COL26A1: variants seen among roughly 807,000 people sequenced by gnomAD.
COL26A1 encodes collagen type XXVI alpha 1 chain.
COL26A1 carries 41 observed loss-of-function variants against 59.3 expected under a neutral mutation model. The observed-to-expected ratio is 0.69, with a 90% CI of 0.54 to 0.90. The LOEUF (loss-of-function observed/expected upper bound fraction) is 0.90, where lower values mean the gene tolerates loss of function less well. COL26A1 is among the 40% of genes least tolerant of loss of function. The pLI is 0.00. For synonymous variants in COL26A1, 266 were observed against 256.0 expected, an observed-to-expected ratio of 1.04 and a Z score of -0.37; for missense variants, 612 against 602.3, an observed-to-expected ratio of 1.02 and a Z score of -0.17.
At chr7:101,488,642 C>G (rs1450711544) in intron 3 of COL26A1, among the ~76,000 whole-genome samples, 1 of 152,012 alleles carries the variant, frequency 6.6e-6, no homozygotes, top group Non-Finnish European at 1.5e-5. Context: ...TCCCAAAGCG[C>G]TAGGATTACA....
At chr7:101,416,473 G>A (rs1195166651) in intron 1 of COL26A1, among the ~76,000 whole-genome samples, 3 of 143,600 alleles carry the variant, frequency 2.1e-5, no homozygotes, top group African/African-American at 7.4e-5. Flanking sequence ...AAATTTTCTT[G>A]TTATTTCTTC....
At chr7:101,392,397 CT>C (rs34053990) in intron 1 of COL26A1, among the ~76,000 whole-genome samples, 51,511 of 86,538 alleles carry the variant, frequency 0.6, 16,183 homozygotes, top group Middle Eastern at 0.77. Flanking sequence ...AACAACCAGG[CT>C]TTTTTTTTTT....
At chr7:101,366,474 ATTT>A (rs869149636) in intron 1 of COL26A1, among the ~76,000 whole-genome samples, 49 of 76,130 alleles carry the variant, frequency 6.4e-4, no homozygotes, top group Non-Finnish European at 1.0e-3. Flanking sequence ...TTAACGTCTG[ATTT>A]TTTTTTTTTT....
In COL26A1 at chr7:101,447,657, G is replaced by GC. The variant is rs747008508; in HGVS notation, c.282-21dup. 9.6e-6 allele frequency: 14 copies of GC among 1,463,000 alleles called. 1 individual carries two copies. The highest frequency in any genetic ancestry group is 3.9e-5 in the Admixed American group (2 of 51,748). The allele number at this position is 1,463,000 out of a possible 1,614,324, so 90.6% of individuals were successfully genotyped here. On this transcript the variant is annotated intron_variant, in intron 2 of 12. Transcript: ENST00000313669. ...TGGAGGTGGGTGGGTGGGAGCTCAT[G>GC]CCCCCCTGACGCTGTCTGTGTGTTA... is the stretch of plus-strand genomic sequence containing the variant.
intron 11 of COL26A1, among the ~76,000 whole-genome samples, chr7:101,553,719 C>T (rs187168754): frequency 6.6e-4 from 101 of 152,276 alleles, no homozygotes; most frequent in South Asian, 2.3e-3. Context: ...TCCCTCTCAA[C>T]GGACCGGGTT....
chr7:101,476,917 C>T (rs1443821970), intron 3 of COL26A1, among the ~76,000 whole-genome samples: 1 of 151,028 alleles, frequency 6.6e-6, no homozygotes, highest in East Asian at 2.0e-4. Context: ...GATCTCGGCT[C>T]ACTACAACCT....
At chr7:101,487,762 A>G (rs1242310221) in intron 3 of COL26A1, among the ~76,000 whole-genome samples, 1 of 152,084 alleles carries the variant, frequency 6.6e-6, no homozygotes, top group African/African-American at 2.4e-5. Flanking sequence ...ACGCCCTGTC[A>G]CTGGGGCTGG....
At chr7:101,540,549 A>AG (rs1224721385) in intron 5 of COL26A1, among the ~76,000 whole-genome samples, 2 of 151,150 alleles carry the variant, frequency 1.3e-5, no homozygotes, top group East Asian at 3.9e-4. Context: ...AAAAAAAAAA[A>AG]AAAAAAGTAG....
In COL26A1 at chr7:101,373,747, C is replaced by T. The variant is rs566751431; in HGVS notation, c.158+10557C>T. 9.8e-5 allele frequency among the ~76,000 whole-genome samples: 15 copies of T among 152,292 alleles called. No individual in the cohort carries two copies. In the East Asian group the frequency reaches 2.5e-3, roughly 25 times the overall value. The stretch of plus-strand genomic sequence containing the variant: ...GAGCACATAGAGGAGGGAGACTTTT[C>T]CTGAGAATCACACAGAATGGCTTTG... On this transcript the variant is annotated intron_variant, in intron 1 of 12. Coordinates refer to ENST00000313669, the MANE Select transcript of COL26A1 (RefSeq NM_001278563.3).
intron 5 of COL26A1, among the ~76,000 whole-genome samples, chr7:101,542,450 A>C (rs1169176589): frequency 6.6e-6 from 1 of 152,140 alleles, no homozygotes; most frequent in Non-Finnish European, 1.5e-5. Flanking sequence ...CCTTGAGGTT[A>C]CAGGGGAGAC....
intron 3 of COL26A1, among the ~76,000 whole-genome samples, chr7:101,515,714 A>G (rs1426337141): frequency 1.3e-5 from 2 of 148,508 alleles, no homozygotes; most frequent in Non-Finnish European, 3.0e-5. Flanking sequence ...TCAGCCTCCC[A>G]AGTAGCTGGG....
chr7:101,367,469 A>C (rs1307588246), intron 1 of COL26A1, among the ~76,000 whole-genome samples: 2 of 152,132 alleles, frequency 1.3e-5, no homozygotes, highest in Non-Finnish European at 2.9e-5. Context: ...GTTTGAGACC[A>C]GTCTGGCCAA....
At chr7:101,397,326 C>T (rs970494019) in intron 1 of COL26A1, among the ~76,000 whole-genome samples, 3 of 152,094 alleles carry the variant, frequency 2.0e-5, no homozygotes, top group African/African-American at 7.2e-5. Context: ...GTTCATTGAA[C>T]AGAGGACTTA....
intron 3 of COL26A1, among the ~76,000 whole-genome samples, chr7:101,528,188 G>T (rs562865052): frequency 6.6e-6 from 1 of 152,198 alleles, no homozygotes; most frequent in East Asian, 1.9e-4. Flanking sequence ...GCCAAGCAGG[G>T]TGCCCAGTGC....
intron 3 of COL26A1, among the ~76,000 whole-genome samples, chr7:101,527,664 C>T (rs750124844): frequency 2.8e-4 from 42 of 152,288 alleles, no homozygotes; most frequent in Non-Finnish European, 5.3e-4. Flanking sequence ...TGCTTGTGCA[C>T]CCACAAACAC....
At chr7:101,457,868 T>C (rs1793512758) in intron 3 of COL26A1, among the ~76,000 whole-genome samples, 1 of 151,844 alleles carries the variant, frequency 6.6e-6, no homozygotes, top group African/African-American at 2.4e-5. Context: ...ATAACCATCA[T>C]TTTGCTAGGT....
intron 3 of COL26A1, among the ~76,000 whole-genome samples, chr7:101,458,765 C>T (rs11770740): frequency 0.16 from 23,993 of 150,720 alleles, 2,106 homozygotes; most frequent in African/African-American, 0.21. Flanking sequence ...TCCAAGTCAT[C>T]TAGCTAAGGA....
Position 101,501,341 on chromosome 7 carries a change from C to T in COL26A1, c.386-31741C>T, listed in dbSNP as rs140529156. ...AGGAGACACGCACACATCCCCATGTCGGCCCCAGGCCTCTTCCAGCTCCCA... is the reference window on the plus strand; with the variant it reads ...AGGAGACACGCACACATCCCCATGTTGGCCCCAGGCCTCTTCCAGCTCCCA... On this transcript the variant is annotated intron_variant, in intron 3 of 12. Coordinates refer to ENST00000313669, the MANE Select transcript of COL26A1 (RefSeq NM_001278563.3). Among the ~76,000 whole-genome samples the T allele has an allele frequency of 1.1e-4, 16 of 152,208 alleles. No homozygotes were observed. The East Asian group carries it at 2.3e-3, about 22-fold the overall frequency.
At chr7:101,530,297 G>A (rs952799534) in intron 3 of COL26A1, among the ~76,000 whole-genome samples, 1 of 152,006 alleles carries the variant, frequency 6.6e-6, no homozygotes, top group African/African-American at 2.4e-5. Flanking sequence ...GGCTGGGCGT[G>A]GTGGCTCTCA....
Sources: gnomAD v4.1 joint callset for allele counts (sites outside exome capture counted in the v4.1 genomes callset) on GRCh38, gnomAD v4.1.1 for gene constraint, MANE v1.5 for transcripts, NCBI Gene and HGNC (gene_info 2026-07-23, HGNC 2026-07-21) for gene names.